LHFPL4: variants seen among roughly 807,000 people sequenced by gnomAD.
The protein encoded by LHFPL4 is LHFPL tetraspan subfamily member 4 protein.
LHFPL4 carries 6 observed loss-of-function variants against 20.0 expected under a neutral mutation model. The ratio of observed to expected loss-of-function variants is 0.30; its 90% CI spans 0.16 to 0.59. The LOEUF (loss-of-function observed/expected upper bound fraction) is 0.59, where lower values mean the gene tolerates loss of function less well. LHFPL4 is among the 20% of genes least tolerant of loss of function. The pLI is 0.88. For missense variants in LHFPL4, 215 were observed against 331.2 expected (o/e 0.65, Z 2.72); for synonymous variants, 129 against 143.8 (o/e 0.90, Z 0.74).
At chr3:9,530,637 A>G (rs2046403045) in intron 2 of LHFPL4, among the ~76,000 whole-genome samples, 1 of 152,200 alleles carries the variant, frequency 6.6e-6, no homozygotes, top group African/African-American at 2.4e-5. Flanking sequence ...ATTTCATTCA[A>G]GAACTTTTCC....
chr3:9,534,216 TAA>T (rs774766910), intron 2 of LHFPL4, among the ~76,000 whole-genome samples: 1 of 142,260 alleles, frequency 7.0e-6, no homozygotes. Flanking sequence ...GACCTTTTCT[TAA>T]AAAAAAAAAA....
At chr3:9,542,900 G>T (rs2046486554) in intron 2 of LHFPL4, among the ~76,000 whole-genome samples, 1 of 151,834 alleles carries the variant, frequency 6.6e-6, no homozygotes, top group Non-Finnish European at 1.5e-5. Context: ...AAATAAATTA[G>T]TGGTTGCTTA....
chr3:9,534,763 A>T (rs1448857345), intron 2 of LHFPL4, among the ~76,000 whole-genome samples: 1 of 152,220 alleles, frequency 6.6e-6, no homozygotes, highest in Non-Finnish European at 1.5e-5. Flanking sequence ...AAGGCAATGC[A>T]GAGGTCAAAT....
rs1364195726 is a variant in LHFPL4 at position 9,552,309 on chromosome 3, A to G, written c.371T>C (p.Val124Ala). ...CTGCATCCAGGCGCAGATCTTGTAG[A>G]CCGTAGCCGTGTTGCAGAAGAAGAA... is the stretch of plus-strand genomic sequence containing the variant. ...SLFFFCNTAT[V>A]YKICAWMQLL... Residue 124 changes from valine to alanine, a missense_variant, in exon 2 of 4, where the codon GTC becomes GCC. Transcript: ENST00000287585. 6.2e-7 allele frequency: 1 copy of G among 1,612,848 alleles called. No individual in the cohort carries two copies. The highest frequency in any genetic ancestry group is 2.2e-5 in the East Asian group (1 of 44,876).
chr3:9,526,381 A>G (rs2046375457), intron 2 of LHFPL4, among the ~76,000 whole-genome samples: 1 of 152,190 alleles, frequency 6.6e-6, no homozygotes, highest in South Asian at 2.1e-4. Context: ...AAAATGATAA[A>G]TTTTATGTCA....
At position 9,502,312 on chromosome 3, in the gene LHFPL4, C is replaced by CT; in HGVS notation, c.644-2dup. The CT allele has an allele frequency of 6.3e-7, 1 of 1,591,682 alleles. No homozygotes were observed. On this transcript the variant is annotated splice_acceptor_variant, in intron 3 of 3. Transcript: ENST00000287585. LOFTEE classifies it high-confidence loss of function. ...GAGCTTACTGTAGAGCCCACAAAAT[C>CT]TAAGAGAGAGAGAGAGAGAGAGAAG...
At chr3:9,538,477 C>T (rs1031318410) in intron 2 of LHFPL4, among the ~76,000 whole-genome samples, 2 of 152,272 alleles carry the variant, frequency 1.3e-5, no homozygotes, top group Admixed American at 6.5e-5. Context: ...GATTTGATTC[C>T]GGTCACACAA....
At chr3:9,504,616 A>G (rs1339479181) in intron 3 of LHFPL4, among the ~76,000 whole-genome samples, 2 of 151,820 alleles carry the variant, frequency 1.3e-5, no homozygotes, top group Admixed American at 6.6e-5. Context: ...ACGAGGTCAG[A>G]AGATCGAGAC....
chr3:9,517,801 G>GTTTTTTTTTTTTT (rs1162876826), intron 2 of LHFPL4, among the ~76,000 whole-genome samples: 2 of 75,578 alleles, frequency 2.6e-5, no homozygotes, highest in South Asian at 4.1e-4. Flanking sequence ...GGGTTTTTTT[G>GTTTTTTTTTTTTT]TTTTTTGTTT....
At chr3:9,543,168 T>C (rs552101424) in intron 2 of LHFPL4, among the ~76,000 whole-genome samples, 40 of 152,166 alleles carry the variant, frequency 2.6e-4, no homozygotes, top group African/African-American at 8.7e-4. Flanking sequence ...GGAGCACTCA[T>C]TCTCAGGTCT....
intron 2 of LHFPL4, among the ~76,000 whole-genome samples, chr3:9,533,186 C>T (rs2046421527): frequency 6.6e-6 from 1 of 152,174 alleles, no homozygotes; most frequent in African/African-American, 2.4e-5. Flanking sequence ...CTGAACCATC[C>T]CCTAGACCCA....
At chr3:9,526,973 A>G (rs1574847011) in intron 2 of LHFPL4, among the ~76,000 whole-genome samples, 1 of 152,244 alleles carries the variant, frequency 6.6e-6, no homozygotes, top group East Asian at 1.9e-4. Context: ...TAAAATGGTA[A>G]ATTTCATGTA....
intron 2 of LHFPL4, among the ~76,000 whole-genome samples, chr3:9,521,531 G>T (rs1574843942): frequency 6.6e-6 from 1 of 151,920 alleles, no homozygotes; most frequent in East Asian, 1.9e-4. Flanking sequence ...CTCCCAAGTA[G>T]TTGGGACTAC....
chr3:9,544,193 T>C (rs2046496889), intron 2 of LHFPL4, among the ~76,000 whole-genome samples: 1 of 152,082 alleles, frequency 6.6e-6, no homozygotes, highest in South Asian at 2.1e-4. Context: ...AGGAGACTTA[T>C]GTCTGCCTGT....
intron 2 of LHFPL4, among the ~76,000 whole-genome samples, chr3:9,517,259 G>A (rs887017616): frequency 3.3e-5 from 5 of 152,102 alleles, no homozygotes; most frequent in African/African-American, 1.2e-4. Flanking sequence ...TGCCAGGATT[G>A]TGATTGAGAT....
At chr3:9,520,325 G>T (rs1203797222) in intron 2 of LHFPL4, among the ~76,000 whole-genome samples, 1 of 151,992 alleles carries the variant, frequency 6.6e-6, no homozygotes, top group Non-Finnish European at 1.5e-5. Flanking sequence ...ATATTTTAAA[G>T]TTTATCTTGA....
chr3:9,514,414 C>A (rs2046284235), intron 2 of LHFPL4, among the ~76,000 whole-genome samples: 1 of 152,168 alleles, frequency 6.6e-6, no homozygotes, highest in African/African-American at 2.4e-5. Flanking sequence ...CCCATCCACT[C>A]CCTGACCCTA....
chr3:9,513,126 AT>A (rs1451720241), intron 2 of LHFPL4, among the ~76,000 whole-genome samples: 1 of 151,618 alleles, frequency 6.6e-6, no homozygotes, highest in African/African-American at 2.4e-5. Flanking sequence ...CTCCCGGCTA[AT>A]TTTTTTGTAT....
intron 3 of LHFPL4, among the ~76,000 whole-genome samples, chr3:9,505,442 GT>G (rs535829436): frequency 2.7e-5 from 4 of 147,302 alleles, no homozygotes; most frequent in Non-Finnish European, 6.0e-5. Flanking sequence ...GCTAGTTTTT[GT>G]TTTTTTTTGT....
Sources: gnomAD v4.1 joint callset for allele counts (sites outside exome capture counted in the v4.1 genomes callset) on GRCh38, gnomAD v4.1.1 for gene constraint, MANE v1.5 for transcripts, NCBI Gene and HGNC (gene_info 2026-07-23, HGNC 2026-07-21) for gene names.